NADK: variants seen among roughly 807,000 people sequenced by gnomAD.
NADK encodes NAD kinase.
NADK carries 22 observed loss-of-function variants against 49.8 expected under a neutral mutation model. That is an observed-to-expected ratio of 0.44 (90% CI 0.32 to 0.63). NADK has a LOEUF of 0.63. NADK is among the 30% of genes least tolerant of loss of function. The pLI is 0.06. For synonymous variants in NADK, 268 were observed against 253.7 expected (o/e 1.06, Z -0.54); for missense variants, 438 against 609.4 (o/e 0.72, Z 2.96).
rs547609555 is a variant in NADK, at chr1:1,759,984, G to T, written c.263+1968C>A. The T allele has an allele frequency of 4.0e-5, 58 of 1,450,760 alleles. No individual in the cohort carries two copies. In the African/African-American group the frequency reaches 8.1e-4, roughly 20 times the overall value. 89.9% of individuals were successfully genotyped at this position (1,450,760 alleles called of 1,614,324 possible). A position where few individuals can be genotyped will look rare whatever the true frequency, so the allele number is the denominator to read the frequency against. ...GGGTGCCAGGGACACAGCAAGCACA[G>T]GATGGCGGGACAGAGCCACGGCGGG... is the stretch of plus-strand genomic sequence containing the variant. On this transcript the variant is annotated intron_variant, in intron 3 of 11. Coordinates refer to ENST00000341426, the MANE Select transcript of NADK (RefSeq NM_023018.5).
At chr1:1,779,113 G>C (rs942556976), upstream of NADK, 1 of 152,368 alleles carries the variant, frequency 6.6e-6, no homozygotes, top group African/African-American at 2.4e-5. Context: ...GGTGCGCCTT[G>C]CACGCCCACG....
rs181766630 is a variant in NADK at position 1,762,176 on chromosome 1, A to G, written c.180-141T>C. 2.5e-5 allele frequency: 18 copies of G among 722,150 alleles called. No individual in the cohort carries two copies. The East Asian group carries it at 4.7e-4, about 19-fold the overall frequency. The allele number at this position is 722,150 out of a possible 1,614,324, so 44.7% of individuals were successfully genotyped here. On this transcript the variant is annotated intron_variant, in intron 2 of 11. Coordinates refer to ENST00000341426, the MANE Select transcript of NADK (RefSeq NM_023018.5). ...ACTCCATCTGCCCAGCAGCCACACA[A>G]TAGCCCTTGGAAGGTTCTGCCCAGG... is the stretch of plus-strand genomic sequence containing the variant.
At chr1:1,765,541 G>A (rs892739296) in intron 1 of NADK, 95 bp from the exon 2 acceptor site, 10 of 619,122 alleles carry the variant, frequency 1.6e-5, no homozygotes, top group African/African-American at 3.8e-5. Flanking sequence ...TCATCAAGGG[G>A]AAAAAATGGC....
At chr1:1,753,435 G>C (rs1358012813) in intron 11 of NADK, 132 bp downstream of exon 11, 1 of 709,494 alleles carries the variant, frequency 1.4e-6, no homozygotes, top group East Asian at 2.7e-5. Flanking sequence ...GATGCTGCAA[G>C]ACCCAGGGAC....
Position 1,754,263 on chromosome 1 carries a change from G to C in NADK, c.943+21C>G, listed in dbSNP as rs749190271. The C allele has an allele frequency of 1.2e-5, 19 of 1,613,376 alleles. No individual in the cohort carries two copies. The highest frequency in any genetic ancestry group is 1.6e-5 in the Non-Finnish European group (19 of 1,179,900). On this transcript the variant is annotated intron_variant, in intron 9 of 11. Coordinates refer to ENST00000341426, the MANE Select transcript of NADK (RefSeq NM_023018.5). This position sits in a 1 kb window ranked among gnomAD's most constrained non-coding sequence, Gnocchi z 4.3. ...CGCCCGAGGGACGCTCAGGGCCCCA[G>C]GACAGTGCTGCGGGCCTTACCGTCG... is the stretch of plus-strand genomic sequence containing the variant.
chr1:1,755,044 CTCT>C (rs1557834867), intron 7 of NADK: 35 of 416,946 alleles, frequency 8.4e-5, no homozygotes, highest in African/African-American at 6.3e-4. Flanking sequence ...ATGGTCTCAT[CTCT>C]TGACCTCGTG....
intron 1 of NADK, among the ~76,000 whole-genome samples, chr1:1,773,124 T>C (rs964404952): frequency 1.3e-5 from 2 of 151,672 alleles, no homozygotes; most frequent in Admixed American, 6.6e-5. Flanking sequence ...TACAACTTCC[T>C]ATGAATTAGT....
intron 6 of NADK, chr1:1,755,999 C>G (rs1645507180): frequency 1.7e-6 from 1 of 574,224 alleles, no homozygotes; most frequent in Admixed American, 3.0e-5. Flanking sequence ...GGTCGTTTCC[C>G]AGGACCCACC....
At chr1:1,764,721 G>A (rs1400184262) in intron 2 of NADK, among the ~76,000 whole-genome samples, 1 of 152,186 alleles carries the variant, frequency 6.6e-6, no homozygotes, top group African/African-American at 2.4e-5. Flanking sequence ...GGCCAACATG[G>A]TGAAACCCCG....
At position 1,765,455 on chromosome 1, in the gene NADK, A is replaced by C. The variant is rs1001119322; in HGVS notation, c.-40-9T>G. The C allele has an allele frequency of 8.4e-7, 1 of 1,197,044 alleles. No individual in the cohort carries two copies. Among genetic ancestry groups the C allele is most frequent in the African/African-American group, 1.6e-5 (1 of 64,184 alleles). The allele number at this position is 1,197,044 out of a possible 1,614,324, so 74.2% of individuals were successfully genotyped here. The stretch of plus-strand genomic sequence containing the variant: ...CAGAAAAACACTGATGCCTTAATTT[A>C]ATAAAATAAATAATGTAAATAAAGT... On this transcript the variant is annotated splice_polypyrimidine_tract_variant and intron_variant, in intron 1 of 11. Transcript: ENST00000341426.
chr1:1,761,055 C>T (rs985636950), intron 3 of NADK, among the ~76,000 whole-genome samples: 1 of 151,986 alleles, frequency 6.6e-6, no homozygotes, highest in African/African-American at 2.4e-5. Flanking sequence ...TGCAATGGTG[C>T]GATCTTCGGC....
intron 2 of NADK, among the ~76,000 whole-genome samples, chr1:1,764,952 G>A (rs1165470917): frequency 1.3e-5 from 2 of 152,200 alleles, no homozygotes; most frequent in South Asian, 2.1e-4. Context: ...AAGGGTCAGC[G>A]TAGGCGCCAG....
intron 1 of NADK, among the ~76,000 whole-genome samples, chr1:1,775,634 CAG>C (rs753898783): frequency 4.6e-5 from 7 of 152,212 alleles, no homozygotes; most frequent in Non-Finnish European, 5.9e-5. Flanking sequence ...ATGAAGAAAA[CAG>C]GGGTCTGGGC....
intron 1 of NADK, among the ~76,000 whole-genome samples, chr1:1,771,055 A>ATATAT (rs1553187659): frequency 3.8e-5 from 5 of 132,080 alleles, no homozygotes; most frequent in African/African-American, 1.1e-4. Context: ...AAAAAAAAAA[A>ATATAT]ATATATATAT....
chr1:1,758,454 G>A, intron 3 of NADK: 1 of 1,612,334 alleles, frequency 6.2e-7, no homozygotes, highest in Non-Finnish European at 8.5e-7. Flanking sequence ...GGCTCGCGAG[G>A]TAGCCCCTGC....
At chr1:1,757,145 T>TGCCGGCCCC in intron 4 of NADK, 36 bp downstream of exon 4, 1 of 1,534,218 alleles carries the variant, frequency 6.5e-7, no homozygotes, top group Non-Finnish European at 8.8e-7. Flanking sequence ...CAACTCCATG[T>TGCCGGCCCC]GCACCCCAGG....
At chr1:1,769,732 GAAAAGAAAAAAAAA>G (rs1344256075) in intron 1 of NADK, among the ~76,000 whole-genome samples, 1 of 124,192 alleles carries the variant, frequency 8.1e-6, no homozygotes, top group East Asian at 2.2e-4. Context: ...CATCTCAAAT[GAAAAGAAAAAAAAA>G]AAAAGAAAAA....
intron 1 of NADK, among the ~76,000 whole-genome samples, chr1:1,777,554 A>T (rs1646247939): frequency 6.8e-6 from 1 of 147,498 alleles, no homozygotes; most frequent in South Asian, 2.2e-4. Flanking sequence ...AAAACAAGAA[A>T]GGAAAAATAA....
intron 1 of NADK, among the ~76,000 whole-genome samples, chr1:1,771,108 A>C (rs1040648648): frequency 6.8e-6 from 1 of 147,902 alleles, no homozygotes; most frequent in African/African-American, 2.5e-5. Flanking sequence ...TTAAAAATAT[A>C]TATCTTATTA....
Sources: gnomAD v4.1 joint callset for allele counts (sites outside exome capture counted in the v4.1 genomes callset) on GRCh38, gnomAD v4.1.1 for gene constraint, Gnocchi (gnomAD v3.1) non-coding constraint, MANE v1.5 for transcripts, NCBI Gene and HGNC (gene_info 2026-07-23, HGNC 2026-07-21) for gene names.